Variants in HSF5 observed in about 807,000 individuals in gnomAD.
The protein encoded by HSF5 is heat shock factor protein 5.
A neutral mutation model predicts 50.8 loss-of-function variants in HSF5; 5 were observed. That is an observed-to-expected ratio of 0.10 (90% confidence interval 0.05 to 0.21). The LOEUF is 0.21. Among genes scored for constraint, HSF5 ranks in the 10% least tolerant of loss-of-function variants. HSF5 has a pLI of 1.00. For synonymous variants in HSF5, 307 were observed against 307.4 expected (o/e 1.00, Z 0.02); for missense variants, 564 against 762.6 (o/e 0.74, Z 3.07).
At chr17:58,432,989 C>T (rs1458846868) in intron 5 of HSF5, among the ~76,000 whole-genome samples, 1 of 150,038 alleles carries the variant, frequency 6.7e-6, no homozygotes, top group Non-Finnish European at 1.5e-5. Context: ...GACCAGATGA[C>T]TAGAAGTACC....
intron 2 of HSF5, among the ~76,000 whole-genome samples, chr17:58,472,870 A>C (rs1291871985): frequency 6.6e-6 from 1 of 152,198 alleles, no homozygotes; most frequent in Non-Finnish European, 1.5e-5. Context: ...GTGAGTCAAT[A>C]ACCCAGAGCA....
At position 58,476,559 on chromosome 17, in the gene HSF5, T is replaced by C. The variant is rs1026632270; in HGVS notation, c.925+3334A>G. On this transcript the variant is annotated intron_variant, in intron 2 of 5. Transcript: ENST00000323777. ...GAACTTTATTTTCAAGGTAAGGATT[T>C]TGATCAAAATAAAAATCTATTCTGT... The C allele has an allele frequency of 1.0e-5, 15 of 1,470,430 alleles. No homozygotes were observed. In the Admixed American group the frequency reaches 1.7e-4, roughly 16 times the overall value. The allele number at this position is 1,470,430 out of a possible 1,614,324, so 91.1% of individuals were successfully genotyped here. A position where few individuals can be genotyped will look rare whatever the true frequency, so the allele number is the denominator to read the frequency against.
rs1177379652 is a variant in HSF5 at position 58,487,747 on chromosome 17, C to G, written c.528G>C (p.Ala176=). 1 of 1,383,322 alleles carries G rather than the reference C, an allele frequency of 7.2e-7. No homozygotes were observed. Among genetic ancestry groups the G allele is most frequent in the Non-Finnish European group, 9.3e-7 (1 of 1,080,922 alleles). The allele number at this position is 1,383,322 out of a possible 1,614,324, so 85.7% of individuals were successfully genotyped here. A position where few individuals can be genotyped will look rare whatever the true frequency, so the allele number is the denominator to read the frequency against. The part of the protein sequence containing the change: ...PLQHQQPPPP[A]GPRPEPHGPV... ...CACCGTGCGGCTCGGGCCGGGGCCC[C>G]GCGGGCGGCGGCGGCTGCTGGTGCT... Residue 176 remains alanine (A), a synonymous_variant, in exon 1 of 6, where the codon GCG becomes GCC. Transcript: ENST00000323777.
chr17:58,436,857 G>T (rs1472981182), intron 5 of HSF5, among the ~76,000 whole-genome samples: 1 of 151,726 alleles, frequency 6.6e-6, no homozygotes, highest in Admixed American at 6.6e-5. Context: ...AACAACAACA[G>T]AAAGCAGAGA....
intron 2 of HSF5, among the ~76,000 whole-genome samples, chr17:58,477,813 T>G (rs1422734809): frequency 6.6e-6 from 1 of 152,030 alleles, no homozygotes; most frequent in Non-Finnish European, 1.5e-5. Context: ...AATATCTTTT[T>G]TTTTTAATAT....
At position 58,421,419 on chromosome 17, in the gene HSF5, TAAGAA is replaced by T. The variant is rs1199712824; in HGVS notation, c.*936_*940del. 1.3e-5 allele frequency: 2 copies of T among 152,684 alleles called. No homozygotes were observed. The highest frequency in any genetic ancestry group is 3.9e-4 in the East Asian group (2 of 5,190). The allele number at this position is 152,684 out of a possible 1,614,324, so 9.5% of individuals were successfully genotyped here. On this transcript the variant is annotated 3_prime_UTR_variant, in exon 6 of 6. Coordinates refer to ENST00000323777, the MANE Select transcript of HSF5 (RefSeq NM_001080439.3). ...ACTTATTGAATGTAAAAATCTAAAA[TAAGAA>T]AATAGTATATTAAATCTCTTAATGT...
intron 5 of HSF5, among the ~76,000 whole-genome samples, chr17:58,456,161 GTA>G (rs139309261): frequency 0.068 from 7,285 of 107,778 alleles, 239 homozygotes; most frequent in African/African-American, 0.13. Flanking sequence ...ATGTGTGTGT[GTA>G]TATACACACA....
At chr17:58,468,388 A>C (rs1974900092) in intron 2 of HSF5, among the ~76,000 whole-genome samples, 1 of 151,982 alleles carries the variant, frequency 6.6e-6, no homozygotes, top group African/African-American at 2.4e-5. Flanking sequence ...ACAGAGTAAG[A>C]CTCTATGTAC....
At chr17:58,440,655 T>C (rs1446211377) in intron 5 of HSF5, among the ~76,000 whole-genome samples, 1 of 152,208 alleles carries the variant, frequency 6.6e-6, no homozygotes, top group African/African-American at 2.4e-5. Flanking sequence ...GGAAACTCCA[T>C]ATACTGGAAT....
chr17:58,484,847 T>C (rs1975146496), intron 1 of HSF5, among the ~76,000 whole-genome samples: 1 of 152,122 alleles, frequency 6.6e-6, no homozygotes, highest in South Asian at 2.1e-4. Context: ...ATGAACCAAG[T>C]ACTGTTGTCA....
At chr17:58,435,633 C>T (rs919023654) in intron 5 of HSF5, among the ~76,000 whole-genome samples, 8 of 151,856 alleles carry the variant, frequency 5.3e-5, no homozygotes, top group Non-Finnish European at 1.2e-4. Flanking sequence ...TAAATATTGG[C>T]TGGGCGCTGT....
At chr17:58,480,959 A>C (rs1488536982) in intron 1 of HSF5, among the ~76,000 whole-genome samples, 1 of 152,010 alleles carries the variant, frequency 6.6e-6, no homozygotes, top group Non-Finnish European at 1.5e-5. Flanking sequence ...TGTTTATTTT[A>C]CTTTTTGTAG....
intron 5 of HSF5, among the ~76,000 whole-genome samples, chr17:58,457,470 G>A (rs956951696): frequency 6.6e-6 from 1 of 151,820 alleles, no homozygotes; most frequent in East Asian, 1.9e-4. Context: ...GTGGTGCCAC[G>A]CACCTGTAGT....
intron 5 of HSF5, among the ~76,000 whole-genome samples, chr17:58,455,616 C>A (rs541757374): frequency 6.6e-6 from 1 of 151,988 alleles, no homozygotes; most frequent in East Asian, 1.9e-4. Context: ...GGAATTTAAG[C>A]AACTCAGAAG....
At chr17:58,452,569 C>T (rs1032962996) in intron 5 of HSF5, among the ~76,000 whole-genome samples, 3 of 151,670 alleles carry the variant, frequency 2.0e-5, no homozygotes, top group Admixed American at 6.5e-5. Context: ...CAACACTTTG[C>T]GATGCTGAGG....
chr17:58,448,133 C>CAAAAA (rs33943640), intron 5 of HSF5, among the ~76,000 whole-genome samples: 2 of 82,038 alleles, frequency 2.4e-5, no homozygotes, highest in Non-Finnish European at 4.6e-5. Context: ...GAACCTGTCT[C>CAAAAA]AAAAAAAAAA....
intron 5 of HSF5, among the ~76,000 whole-genome samples, chr17:58,442,003 A>C (rs560953717): frequency 7.9e-5 from 12 of 152,244 alleles, no homozygotes; most frequent in Non-Finnish European, 1.5e-4. Flanking sequence ...GAGCCATCTA[A>C]CAGAAAAGAA....
In HSF5 at chr17:58,453,599, A is replaced by AAACAACAAC. The variant is rs71143249; in HGVS notation, c.1720+5160_1720+5168dup. Among the ~76,000 whole-genome samples, 836 of 150,646 alleles carry AAACAACAAC rather than the reference A, an allele frequency of 5.5e-3. 3 individuals carry two copies. Among genetic ancestry groups the AAACAACAAC allele is most frequent in the Middle Eastern group, 0.014 (4 of 294 alleles). ...GACAGAGTGAGCAAAACTCCATCTC[A>AAACAACAAC]AACAACAACAACAACAACAACAACA... On this transcript the variant is annotated intron_variant, in intron 5 of 5. Coordinates refer to ENST00000323777, the MANE Select transcript of HSF5 (RefSeq NM_001080439.3).
intron 5 of HSF5, among the ~76,000 whole-genome samples, chr17:58,442,436 T>C (rs1222137166): frequency 6.6e-6 from 1 of 152,040 alleles, no homozygotes; most frequent in Non-Finnish European, 1.5e-5. Flanking sequence ...GGGGGGTAAA[T>C]GGTTTAGCTT....
Sources: gnomAD v4.1 joint callset for allele counts (sites outside exome capture counted in the v4.1 genomes callset) on GRCh38, gnomAD v4.1.1 for gene constraint, MANE v1.5 for transcripts, NCBI Gene and HGNC (gene_info 2026-07-23, HGNC 2026-07-21) for gene names.